The following ZFR variants were observed in gnomAD, a reference collection of about 807,000 sequenced individuals.
ZFR encodes zinc finger RNA binding protein.
Under a neutral mutation model 130.7 loss-of-function variants are expected in ZFR, and 19 were observed. That is an observed-to-expected ratio of 0.15 (90% CI 0.10 to 0.21). The LOEUF (loss-of-function observed/expected upper bound fraction) is 0.21, where lower values mean the gene tolerates loss of function less well. Among genes scored for constraint, ZFR ranks in the 10% least tolerant of loss-of-function variants. The pLI is 1.00. For missense variants in ZFR, 872 were observed against 1,321.5 expected, an observed-to-expected ratio of 0.66 and a Z score of 5.27; for synonymous variants, 466 against 456.9, an observed-to-expected ratio of 1.02 and a Z score of -0.25.
rs1175485591 is a variant in ZFR at position 32,422,327 on chromosome 5, A to G, written c.138-2224T>C. On this transcript the variant is annotated intron_variant, in intron 2 of 19. Transcript: ENST00000265069. ...CTTTTAGTACTTTTCACTCTCCTAC[A>G]TGTCTCAGTTTGAACAATAAATTAT... Among the ~76,000 whole-genome samples the G allele has an allele frequency of 2.0e-5, 3 of 152,260 alleles. No homozygotes were observed. In the East Asian group the frequency reaches 5.8e-4, roughly 29 times the overall value.
chr5:32,368,904 C>T (rs1752602640), intron 17 of ZFR, among the ~76,000 whole-genome samples: 1 of 152,158 alleles, frequency 6.6e-6, no homozygotes, highest in Non-Finnish European at 1.5e-5. Flanking sequence ...CAACAATGGG[C>T]AATTGTACAT....
At chr5:32,398,049 G>T (rs1753358880) in intron 9 of ZFR, among the ~76,000 whole-genome samples, 1 of 150,802 alleles carries the variant, frequency 6.6e-6, no homozygotes, top group Non-Finnish European at 1.5e-5. Flanking sequence ...TAGAGATGGG[G>T]GTTTCACCGT....
intron 5 of ZFR, among the ~76,000 whole-genome samples, chr5:32,413,834 C>T (rs1337592635): frequency 6.6e-6 from 1 of 152,096 alleles, no homozygotes; most frequent in East Asian, 1.9e-4. Flanking sequence ...CAAAAGATTT[C>T]TTTCCTAAAT....
chr5:32,361,851 T>C (rs953142754), intron 19 of ZFR, among the ~76,000 whole-genome samples: 6 of 152,104 alleles, frequency 3.9e-5, no homozygotes, highest in African/African-American at 7.2e-5. Context: ...TGACCTCAGG[T>C]GGCCCGCCCG....
intron 17 of ZFR, among the ~76,000 whole-genome samples, chr5:32,372,813 C>T (rs571542144): frequency 4.6e-5 from 7 of 151,488 alleles, no homozygotes; most frequent in African/African-American, 1.5e-4. Context: ...CTAGTCTGGG[C>T]GACACAGCAA....
chr5:32,368,243 T>A (rs901489336), intron 17 of ZFR, among the ~76,000 whole-genome samples: 1 of 1,460 alleles, frequency 6.8e-4, no homozygotes, highest in Non-Finnish European at 1.7e-3. Flanking sequence ...CAAAACTTTT[T>A]TCCCCCCCCA....
intron 15 of ZFR, chr5:32,380,494 T>TAATA (rs10658949): frequency 0.95 from 196,366 of 207,376 alleles, 93,131 homozygotes; most frequent in African/African-American, 0.98. Context: ...AAATCCACCT[T>TAATA]AATGAGTATG....
intron 5 of ZFR, among the ~76,000 whole-genome samples, chr5:32,408,706 T>C (rs905497912): frequency 6.6e-6 from 1 of 152,226 alleles, no homozygotes. Context: ...GTAGAGTTTA[T>C]TAGTTTATAG....
intron 5 of ZFR, among the ~76,000 whole-genome samples, chr5:32,408,430 G>C (rs1359255675): frequency 6.6e-6 from 1 of 151,264 alleles, no homozygotes. Flanking sequence ...TTACATTTCT[G>C]TGGCATTTGT....
intron 6 of ZFR, 132 bp from the exon 7 acceptor site, chr5:32,404,229 C>T (rs1175234807): frequency 1.4e-6 from 1 of 690,530 alleles, no homozygotes. Flanking sequence ...TGAAAAAGGG[C>T]ATGTGGCATT....
intron 17 of ZFR, among the ~76,000 whole-genome samples, chr5:32,365,495 A>C (rs1029425496): frequency 2.6e-5 from 4 of 152,166 alleles, no homozygotes; most frequent in African/African-American, 9.6e-5. Context: ...TGATAAATGT[A>C]AGTCACAATT....
At chr5:32,432,898 G>T (rs1437944189) in intron 2 of ZFR, among the ~76,000 whole-genome samples, 4 of 141,128 alleles carry the variant, frequency 2.8e-5, no homozygotes, top group Admixed American at 7.1e-5. Flanking sequence ...CTGGCTAATT[G>T]TTTTTTTTTT....
intron 17 of ZFR, among the ~76,000 whole-genome samples, chr5:32,376,958 G>A (rs939245579): frequency 1.5e-4 from 12 of 82,436 alleles, no homozygotes; most frequent in African/African-American, 5.7e-4. Context: ...CAGCCTGGGC[G>A]ACAAGCTGTC....
chr5:32,407,063 TAGA>T (rs1753594400), intron 5 of ZFR, 42 bp from the exon 6 acceptor site: 2 of 1,393,520 alleles, frequency 1.4e-6, no homozygotes, highest in Non-Finnish European at 1.9e-6. Flanking sequence ...TACATACTTA[TAGA>T]AGGACAAGTT....
intron 2 of ZFR, among the ~76,000 whole-genome samples, chr5:32,436,838 T>C (rs770152157): frequency 1.6e-4 from 24 of 152,192 alleles, no homozygotes; most frequent in Non-Finnish European, 2.9e-4. Flanking sequence ...CCTGGGATAC[T>C]GATAATGTTC....
At chr5:32,431,993 ATTTTTT>A (rs572737993) in intron 2 of ZFR, among the ~76,000 whole-genome samples, 1 of 137,582 alleles carries the variant, frequency 7.3e-6, no homozygotes, top group Non-Finnish European at 1.6e-5. Flanking sequence ...ATGCCCAGCT[ATTTTTT>A]TTTTTTTTTG....
At chr5:32,395,091 C>T in intron 11 of ZFR, 68 bp downstream of exon 11, 6 of 1,474,412 alleles carry the variant, frequency 4.1e-6, no homozygotes, top group Non-Finnish European at 5.4e-6. Context: ...GAGTCACATG[C>T]TCAGAATGGC....
intron 19 of ZFR, among the ~76,000 whole-genome samples, chr5:32,359,512 A>G (rs566509087): frequency 7.9e-5 from 12 of 152,334 alleles, no homozygotes; most frequent in African/African-American, 2.9e-4. Flanking sequence ...CAATCTTAAA[A>G]ATGTACTGAT....
intron 19 of ZFR, among the ~76,000 whole-genome samples, chr5:32,359,287 A>G (rs1752378971): frequency 6.6e-6 from 1 of 150,738 alleles, no homozygotes; most frequent in South Asian, 2.1e-4. Context: ...TTCTTAAAAC[A>G]TTATGAGATT....
Sources: allele counts gnomAD v4.1 joint callset (sites outside exome capture counted in the v4.1 genomes callset), GRCh38; gene constraint gnomAD v4.1.1; transcripts MANE v1.5; gene names NCBI Gene and HGNC (gene_info 2026-07-23, HGNC 2026-07-21).